TMEM45A: variants seen among roughly 807,000 people sequenced by gnomAD.
The protein encoded by TMEM45A is transmembrane protein 45A, also known as DNA polymerase-transactivated protein 4.
A neutral mutation model predicts 32.0 loss-of-function variants in TMEM45A; 25 were observed. The observed-to-expected ratio is 0.78, with a 90% CI of 0.57 to 1.09. The LOEUF (loss-of-function observed/expected upper bound fraction) is 1.09. Ranked by LOEUF, TMEM45A falls within the 50% of genes least tolerant of loss-of-function variation. The pLI is 0.00. For missense variants in TMEM45A, 302 were observed against 325.0 expected (o/e 0.93, Z 0.54); for synonymous variants, 122 against 114.8 (o/e 1.06, Z -0.40).
At chr3:100,548,112 C>T (rs1023489910) in intron 1 of TMEM45A, among the ~76,000 whole-genome samples, 6 of 152,110 alleles carry the variant, frequency 3.9e-5, no homozygotes, top group Non-Finnish European at 7.4e-5. Context: ...AAGGTAATAG[C>T]ACTCTAGAGT....
intron 4 of TMEM45A, among the ~76,000 whole-genome samples, chr3:100,560,261 C>CTCTCTT (rs774897689): frequency 7.0e-6 from 1 of 143,628 alleles, no homozygotes; most frequent in African/African-American, 2.6e-5. Context: ...CTCTCTCTCT[C>CTCTCTT]TTTTTTTTTT....
At chr3:100,574,519 A>T (rs1243358258) in intron 5 of TMEM45A, 1 of 152,228 alleles carries the variant, frequency 6.6e-6, no homozygotes, top group Non-Finnish European at 1.5e-5. Context: ...TAGCTTACCA[A>T]CCAAAAAAAG....
chr3:100,530,098 G>A (rs907134843), intron 1 of TMEM45A, among the ~76,000 whole-genome samples: 41 of 152,156 alleles, frequency 2.7e-4, no homozygotes, highest in African/African-American at 9.6e-4. Flanking sequence ...TGATTACCCC[G>A]TTTCAACAAC....
rs75303434 is a variant in TMEM45A at position 100,543,364 on chromosome 3, C to G, written c.-3-11845C>G. ...TATAGGAATTTTGGGAGAGTACACA[C>G]TACACATCGAATTGCTGGATTGTGT... is the stretch of plus-strand genomic sequence containing the variant. On this transcript the variant is annotated intron_variant, in intron 1 of 5. Transcript: ENST00000323523. Among the ~76,000 whole-genome samples, 575 of 152,266 alleles carry G rather than the reference C, an allele frequency of 3.8e-3. 3 individuals carry two copies. Among genetic ancestry groups the G allele is most frequent in the African/African-American group, 0.014 (564 of 41,558 alleles).
intron 5 of TMEM45A, chr3:100,574,639 G>A (rs1361294433): frequency 6.6e-6 from 1 of 152,222 alleles, no homozygotes; most frequent in African/African-American, 2.4e-5. Context: ...CTCCTGTGAT[G>A]TTCACTATTA....
chr3:100,539,527 A>C (rs1705822667), intron 1 of TMEM45A, among the ~76,000 whole-genome samples: 1 of 103,970 alleles, frequency 9.6e-6, no homozygotes. Flanking sequence ...ATATGTGGGG[A>C]ACCATTATGG....
intron 1 of TMEM45A, among the ~76,000 whole-genome samples, chr3:100,515,963 TATATTTCAAAATAGCTAGA>T (rs1414237630): frequency 6.6e-6 from 1 of 152,204 alleles, no homozygotes; most frequent in Non-Finnish European, 1.5e-5. Context: ...CAATATATTA[TATATTTCAAAATAGCTAGA>T]AGAGAAGGTT....
intron 1 of TMEM45A, among the ~76,000 whole-genome samples, chr3:100,531,121 A>C (rs562521275): frequency 2.6e-5 from 4 of 152,310 alleles, no homozygotes; most frequent in African/African-American, 9.6e-5. Flanking sequence ...TAAAATTCTA[A>C]ATTCGATCAT....
At chr3:100,540,159 C>T (rs1047267135) in intron 1 of TMEM45A, among the ~76,000 whole-genome samples, 26 of 151,956 alleles carry the variant, frequency 1.7e-4, no homozygotes, top group Non-Finnish European at 3.2e-4. Context: ...TTAATGGTGT[C>T]TTTCACCATT....
chr3:100,509,663 G>C (rs1195831738), intron 1 of TMEM45A, among the ~76,000 whole-genome samples: 1 of 152,224 alleles, frequency 6.6e-6, no homozygotes, highest in Non-Finnish European at 1.5e-5. Flanking sequence ...CCCAGCGTGA[G>C]TGATGCAGAA....
chr3:100,564,386 A>G (rs1706385978), intron 4 of TMEM45A, among the ~76,000 whole-genome samples: 1 of 151,982 alleles, frequency 6.6e-6, no homozygotes. Flanking sequence ...AGATAGTTCT[A>G]TTTTTACAAA....
chr3:100,568,673 C>T (rs1456985609), intron 4 of TMEM45A, 149 bp from the exon 5 acceptor site: 1 of 644,032 alleles, frequency 1.6e-6, no homozygotes, highest in Admixed American at 3.2e-5. Flanking sequence ...ATTACTAAAA[C>T]AGGCAGCAAA....
intron 1 of TMEM45A, among the ~76,000 whole-genome samples, chr3:100,513,635 G>T (rs1025210992): frequency 6.6e-6 from 1 of 150,698 alleles, no homozygotes. Flanking sequence ...GGGCAATTAG[G>T]CAGGAGAAGG....
In TMEM45A at chr3:100,569,052, A is replaced by G. The variant is rs916136198; in HGVS notation, c.734+85A>G. On this transcript the variant is annotated intron_variant, in intron 5 of 5. Transcript: ENST00000323523. ...CAGTGGTATTGAATTTAAAATTCAAAAGGGTATTTCATTCCTTATCATCCC... is the reference window on the plus strand; with the variant it reads ...CAGTGGTATTGAATTTAAAATTCAAGAGGGTATTTCATTCCTTATCATCCC... 16 of 1,407,256 alleles carry G rather than the reference A, an allele frequency of 1.1e-5. No individual in the cohort carries two copies. In the African/African-American group the frequency reaches 1.7e-4, roughly 15 times the overall value. The allele number at this position is 1,407,256 out of a possible 1,614,324, so 87.2% of individuals were successfully genotyped here.
chr3:100,494,108 C>T (rs72943259), intron 1 of TMEM45A, among the ~76,000 whole-genome samples: 16,495 of 152,104 alleles, frequency 0.11, 949 homozygotes, highest in Non-Finnish European at 0.13. Context: ...CAGATAGTTC[C>T]GGTATACATT....
intron 1 of TMEM45A, among the ~76,000 whole-genome samples, chr3:100,540,101 T>C (rs1428387052): frequency 6.6e-6 from 1 of 152,168 alleles, no homozygotes; most frequent in Non-Finnish European, 1.5e-5. Context: ...AGAAAAAATA[T>C]AAAAGTTAGA....
At chr3:100,515,143 C>T (rs1231357193) in intron 1 of TMEM45A, among the ~76,000 whole-genome samples, 1 of 150,696 alleles carries the variant, frequency 6.6e-6, no homozygotes, top group Non-Finnish European at 1.5e-5. Context: ...ACCCAAAGGA[C>T]TATAAATCAT....
intron 1 of TMEM45A, among the ~76,000 whole-genome samples, chr3:100,531,324 T>C (rs1480835763): frequency 6.6e-6 from 1 of 152,144 alleles, no homozygotes; most frequent in Admixed American, 6.6e-5. Context: ...GTACATGGTC[T>C]GCAAGCTTTC....
chr3:100,558,298 A>G, intron 3 of TMEM45A, 107 bp from the exon 4 acceptor site: 1 of 1,379,912 alleles, frequency 7.2e-7, no homozygotes, highest in Admixed American at 2.0e-5. Context: ...GCTCTTTTGG[A>G]CAAATGTGTG....
Sources: gnomAD v4.1 joint callset for allele counts (sites outside exome capture counted in the v4.1 genomes callset) on GRCh38, gnomAD v4.1.1 for gene constraint, MANE v1.5 for transcripts, NCBI Gene and HGNC (gene_info 2026-07-23, HGNC 2026-07-21) for gene names.